CCDC7: variants seen among roughly 807,000 people sequenced by gnomAD.
CCDC7 encodes coiled-coil domain containing 7, also known as coiled-coil domain-containing protein 7.
A neutral mutation model predicts 196.9 loss-of-function variants in CCDC7; 183 were observed. The ratio of observed to expected loss-of-function variants is 0.93; its 90% CI spans 0.82 to 1.05. CCDC7 has a LOEUF of 1.05. CCDC7 is among the 50% of genes least tolerant of loss of function. The pLI, the probability that CCDC7 is intolerant of heterozygous loss-of-function variation, is 0.00. For missense variants in CCDC7, 1,540 were observed against 1,482.2 expected (o/e 1.04, Z -0.64); for synonymous variants, 525 against 484.6 (o/e 1.08, Z -1.10).
intron 13 of CCDC7, among the ~76,000 whole-genome samples, chr10:32,545,125 T>TC (rs891015758): frequency 6.2e-4 from 94 of 152,284 alleles, no homozygotes; most frequent in African/African-American, 2.2e-3. Context: ...CTTAATTGTC[T>TC]CAGATATCTT....
At chr10:32,487,431 C>A (rs570492235) in intron 8 of CCDC7, among the ~76,000 whole-genome samples, 1 of 152,270 alleles carries the variant, frequency 6.6e-6, no homozygotes, top group African/African-American at 2.4e-5. Context: ...TGGGTTTGAA[C>A]TTCCTTTTTT....
chr10:32,692,492 C>T (rs2077199791), intron 23 of CCDC7, among the ~76,000 whole-genome samples: 1 of 152,128 alleles, frequency 6.6e-6, no homozygotes, highest in Non-Finnish European at 1.5e-5. Flanking sequence ...GGCAGAGTGC[C>T]CTGTGGGATG....
At position 32,694,917 on chromosome 10, in the gene CCDC7, C is replaced by T. The variant is rs144985586; in HGVS notation, c.2383C>T (p.His795Tyr). ...ACCAGGCAAAAATCTTGTGCTTGAA[C>T]ATCAAGATTCAGTGTCAAAACTGGA... is the stretch of plus-strand genomic sequence containing the variant. Residue 795 changes from histidine (H) to tyrosine (Y), a missense_variant, in exon 24 of 42, where the codon CAT becomes TAT. Transcript: ENST00000639629. 5.8e-5 allele frequency: 93 copies of T among 1,602,930 alleles called. No homozygotes were observed. In the African/African-American group the frequency reaches 1.0e-3, roughly 18 times the overall value.
At chr10:32,469,759 A>C (rs1490987108) in intron 5 of CCDC7, among the ~76,000 whole-genome samples, 2 of 152,160 alleles carry the variant, frequency 1.3e-5, no homozygotes, top group East Asian at 3.9e-4. Flanking sequence ...TGAGTACTAT[A>C]AAATATACTA....
chr10:32,465,054 G>T (rs551692862), intron 5 of CCDC7, among the ~76,000 whole-genome samples: 5 of 151,510 alleles, frequency 3.3e-5, no homozygotes, highest in African/African-American at 1.2e-4. Context: ...GGCAAAACTG[G>T]TTTATAAGTG....
At chr10:32,818,557 A>G (rs1216048036) in intron 31 of CCDC7, among the ~76,000 whole-genome samples, 1 of 152,138 alleles carries the variant, frequency 6.6e-6, no homozygotes, top group Non-Finnish European at 1.5e-5. Context: ...ACCACACCAC[A>G]CCTATTCCAA....
intron 20 of CCDC7, among the ~76,000 whole-genome samples, chr10:32,651,410 C>T (rs1005659326): frequency 4.6e-5 from 7 of 152,036 alleles, no homozygotes; most frequent in East Asian, 1.9e-4. Flanking sequence ...TTGGTATAGT[C>T]GAAACTGTGA....
chr10:32,668,207 G>T (rs919380384), intron 21 of CCDC7, among the ~76,000 whole-genome samples: 2 of 152,122 alleles, frequency 1.3e-5, no homozygotes, highest in Non-Finnish European at 2.9e-5. Flanking sequence ...TGTGATTTTT[G>T]CACATTGATT....
chr10:32,631,688 C>A (rs947633426), intron 18 of CCDC7, among the ~76,000 whole-genome samples: 1 of 149,908 alleles, frequency 6.7e-6, no homozygotes, highest in Non-Finnish European at 1.5e-5. Flanking sequence ...AAAAAAAACA[C>A]TAATTGGTAT....
chr10:32,806,086 C>T (rs1299720620), intron 30 of CCDC7, among the ~76,000 whole-genome samples: 2 of 152,192 alleles, frequency 1.3e-5, no homozygotes, highest in African/African-American at 4.8e-5. Flanking sequence ...AGGATCTGCC[C>T]TTGTGACACA....
intron 8 of CCDC7, among the ~76,000 whole-genome samples, chr10:32,485,942 G>T (rs974873500): frequency 6.6e-6 from 1 of 152,226 alleles, no homozygotes; most frequent in Admixed American, 6.5e-5. Context: ...TGGAATAAGT[G>T]CTGTGTGGTG....
intron 18 of CCDC7, among the ~76,000 whole-genome samples, chr10:32,622,032 C>G (rs984385455): frequency 2.0e-5 from 3 of 152,222 alleles, no homozygotes; most frequent in African/African-American, 7.2e-5. Flanking sequence ...TCAGATCTCA[C>G]AAATTCAAGT....
At chr10:32,881,589 T>G (rs1229937517), downstream of CCDC7, among the ~76,000 whole-genome samples, 1 of 152,130 alleles carries the variant, frequency 6.6e-6, no homozygotes, top group Non-Finnish European at 1.5e-5. Flanking sequence ...GTCTCTGAAT[T>G]CACAGATTCA....
Position 32,492,103 on chromosome 10 carries a change from G to A in CCDC7, c.872+106G>A, listed in dbSNP as rs190937107. On this transcript the variant is annotated intron_variant, in intron 9 of 41. Coordinates refer to ENST00000639629, the Ensembl canonical transcript of CCDC7. The stretch of plus-strand genomic sequence containing the variant: ...TATGTTCATTGAAAAAAGTTAGTAC[G>A]TGTTTATTGCAGAAATATTGAAAAC... The A allele has an allele frequency of 8.6e-4, 934 of 1,087,886 alleles. 5 individuals are homozygous for A. In the African/African-American group the frequency reaches 0.014, roughly 16 times the overall value. The allele number at this position is 1,087,886 out of a possible 1,614,324, so 67.4% of individuals were successfully genotyped here. A position where few individuals can be genotyped will look rare whatever the true frequency, so the allele number is the denominator to read the frequency against.
intron 8 of CCDC7, among the ~76,000 whole-genome samples, chr10:32,482,620 G>A (rs1223507893): frequency 6.6e-6 from 1 of 152,078 alleles, no homozygotes; most frequent in Non-Finnish European, 1.5e-5. Context: ...TTAACATTAG[G>A]TATATCTCCA....
intron 20 of CCDC7, among the ~76,000 whole-genome samples, chr10:32,641,979 C>G (rs1217247751): frequency 6.6e-6 from 1 of 152,168 alleles, no homozygotes; most frequent in East Asian, 1.9e-4. Flanking sequence ...TATTGGTGAA[C>G]AGCAAATGTT....
chr10:32,709,145 A>T (rs2080350664), intron 24 of CCDC7, among the ~76,000 whole-genome samples: 1 of 152,142 alleles, frequency 6.6e-6, no homozygotes. Context: ...GCAGCCATAA[A>T]AAAGGATGAG....
intron 13 of CCDC7, among the ~76,000 whole-genome samples, chr10:32,545,879 C>T (rs1446873976): frequency 6.9e-6 from 1 of 145,804 alleles, no homozygotes; most frequent in Non-Finnish European, 1.5e-5. Flanking sequence ...GCACGCCAGC[C>T]TGGGCAACAG....
At chr10:32,813,744 A>G (rs1406125184) in intron 30 of CCDC7, among the ~76,000 whole-genome samples, 1 of 152,218 alleles carries the variant, frequency 6.6e-6, no homozygotes, top group Non-Finnish European at 1.5e-5. Flanking sequence ...AGCATTGTAT[A>G]GAACAATTAC....
Sources: allele counts gnomAD v4.1 joint callset (sites outside exome capture counted in the v4.1 genomes callset), GRCh38; gene constraint gnomAD v4.1.1; transcripts MANE v1.5; gene names NCBI Gene and HGNC (gene_info 2026-07-23, HGNC 2026-07-21).